The following STK4 variants were observed in gnomAD, a reference collection of about 807,000 sequenced individuals.
STK4 encodes serine/threonine-protein kinase 4.
STK4 carries 30 observed loss-of-function variants against 64.9 expected under a neutral mutation model. That is an observed-to-expected ratio of 0.46 (90% CI 0.35 to 0.63). STK4 has a LOEUF of 0.63. STK4 is among the 20% of genes least tolerant of loss of function. STK4 has a pLI of 0.01. For synonymous variants in STK4, 177 were observed against 199.0 expected (o/e 0.89, Z 0.93); for missense variants, 466 against 598.5 (o/e 0.78, Z 2.31).
chr20:45,065,040 T>A (rs543126360), intron 10 of STK4, among the ~76,000 whole-genome samples: 1 of 152,314 alleles, frequency 6.6e-6, no homozygotes, highest in East Asian at 1.9e-4. Flanking sequence ...TCAGAGGGAA[T>A]GCTTCCAACT....
chr20:45,013,344 ATAGT>A (rs1426788225), intron 9 of STK4, among the ~76,000 whole-genome samples: 2 of 152,082 alleles, frequency 1.3e-5, no homozygotes, highest in Admixed American at 6.6e-5. Flanking sequence ...TTTAATTTGA[ATAGT>A]TAGCTTTTTA....
intron 9 of STK4, among the ~76,000 whole-genome samples, chr20:45,024,176 A>G (rs2068302043): frequency 6.6e-6 from 1 of 151,960 alleles, no homozygotes; most frequent in African/African-American, 2.4e-5. Flanking sequence ...CTGGGATTAC[A>G]GGCGTGAGCC....
In STK4 at chr20:44,966,575, A is replaced by G. The variant is rs1291531683; in HGVS notation, c.7A>G (p.Thr3Ala). The change falls in exon 1 of 11, where the codon ACG becomes GCG. Residue 3 changes from threonine to alanine, a missense_variant. Thr to Ala is a moderately conservative substitution (Grantham distance 58). This residue lies in a region of STK4 where 190 missense variants were observed against 289.7 expected (regional missense o/e 0.66). Coordinates refer to ENST00000372806, the MANE Select transcript of STK4 (RefSeq NM_006282.5). ...GGCGGCTGCTGGCAGCGCCATGGAG[A>G]CGGTACAGCTGAGGAACCCGCCGCG... Reference protein sequence around the residue: METVQLRNPPRRQ... With the variant: MEAVQLRNPPRRQ... 2 of 1,266,866 alleles carry G rather than the reference A, an allele frequency of 1.6e-6. No homozygotes were observed. Among genetic ancestry groups the G allele is most frequent in the South Asian group, 3.2e-5 (1 of 31,034 alleles). The allele number at this position is 1,266,866 out of a possible 1,614,324, so 78.5% of individuals were successfully genotyped here. A position where few individuals can be genotyped will look rare whatever the true frequency, so the allele number is the denominator to read the frequency against.
rs774986244 is a variant in STK4 at position 45,024,965 on chromosome 20, G to C, written c.1148-8G>C. ...TTCTTTTCATTTTTCATTTTTCTTT[G>C]TTTTCAGGAAGGGATGAGACCATGC... On this transcript the variant is annotated splice_region_variant and splice_polypyrimidine_tract_variant and intron_variant, in intron 9 of 10. Transcript: ENST00000372806. 6.5e-7 allele frequency: 1 copy of C among 1,538,230 alleles called. No homozygotes were observed. The highest frequency in any genetic ancestry group is 2.3e-5 in the East Asian group (1 of 43,064).
chr20:45,000,529 C>A lies in STK4; in HGVS notation c.960+9C>A. On this transcript the variant is annotated intron_variant, in intron 8 of 10. Transcript: ENST00000372806. ...ACGATGAAGAAAACTCAGTGAGTGGCAGCCGTTGCTGTGGGCCTCAGACAT... is the reference window on the plus strand; with the variant it reads ...ACGATGAAGAAAACTCAGTGAGTGGAAGCCGTTGCTGTGGGCCTCAGACAT... The A allele has an allele frequency of 6.2e-7, 1 of 1,613,710 alleles. No homozygotes were observed. The highest frequency in any genetic ancestry group is 8.5e-7 in the Non-Finnish European group (1 of 1,179,764).
At chr20:44,988,863 T>A (rs1012988710) in intron 5 of STK4, among the ~76,000 whole-genome samples, 5 of 152,074 alleles carry the variant, frequency 3.3e-5, no homozygotes, top group Admixed American at 2.6e-4. Flanking sequence ...TTCTGAATAT[T>A]TCATATAAAT....
intron 10 of STK4, among the ~76,000 whole-genome samples, chr20:45,073,999 G>T (rs1168800925): frequency 6.6e-6 from 1 of 152,200 alleles, no homozygotes; most frequent in Non-Finnish European, 1.5e-5. Flanking sequence ...TCTGCAACAG[G>T]CAGAACCACA....
intron 10 of STK4, among the ~76,000 whole-genome samples, chr20:45,072,305 A>C (rs901119203): frequency 6.6e-6 from 1 of 152,202 alleles, no homozygotes; most frequent in Non-Finnish European, 1.5e-5. Context: ...AAAGTTGCAG[A>C]ATAAGTTGCA....
At chr20:44,970,872 T>C (rs2145627549) in intron 1 of STK4, among the ~76,000 whole-genome samples, 1 of 150,744 alleles carries the variant, frequency 6.6e-6, no homozygotes, top group East Asian at 1.9e-4. Context: ...ATCTGTTTTA[T>C]TTAGGAAGGT....
At chr20:45,040,370 A>G (rs1317830578) in intron 10 of STK4, among the ~76,000 whole-genome samples, 1 of 152,122 alleles carries the variant, frequency 6.6e-6, no homozygotes, top group Admixed American at 6.6e-5. Context: ...GGCATTCTCC[A>G]AAGATATAAC....
rs1206966060 is a variant in STK4 at position 45,053,909 on chromosome 20, GT to G, written c.1306-21099del. 1.4e-4 allele frequency among the ~76,000 whole-genome samples: 20 copies of G among 145,674 alleles called. 2 individuals are homozygous for G. The highest frequency in any genetic ancestry group is 4.0e-4 in the East Asian group (2 of 4,968). The stretch of plus-strand genomic sequence containing the variant: ...AGATAGTAGTTTTTTTTTGTTTTTT[GT>G]TTTTTTTTTCAGCCAAAATTTGTCC... On this transcript the variant is annotated intron_variant, in intron 10 of 10. Transcript: ENST00000372806.
Position 44,980,469 on chromosome 20 carries a change from A to G in STK4, c.246-1360A>G, listed in dbSNP as rs1006438412. Among the ~76,000 whole-genome samples the G allele has an allele frequency of 3.3e-5, 5 of 152,302 alleles. No homozygotes were observed. The South Asian group carries it at 1.0e-3, about 32-fold the overall frequency. ...GGGCACATTATTTTATTTTAATAGG[A>G]TATTTGATTTTTCTCTGAATTTCTT... On this transcript the variant is annotated intron_variant, in intron 3 of 10. Transcript: ENST00000372806.
intron 9 of STK4, among the ~76,000 whole-genome samples, chr20:45,002,221 A>G (rs1008022664): frequency 1.1e-4 from 16 of 152,360 alleles, no homozygotes; most frequent in African/African-American, 3.4e-4. Flanking sequence ...ACCGCTGTGT[A>G]ATACAACTAG....
intron 8 of STK4, 117 bp downstream of exon 8, chr20:45,000,637 G>A: frequency 1.4e-6 from 2 of 1,443,490 alleles, no homozygotes; most frequent in Non-Finnish European, 1.9e-6. Context: ...GATGCTTCCA[G>A]CATAACTATG....
At chr20:45,030,311 G>A (rs2068421731) in intron 10 of STK4, among the ~76,000 whole-genome samples, 1 of 152,034 alleles carries the variant, frequency 6.6e-6, no homozygotes. Flanking sequence ...TCACCATCTT[G>A]GCCAGGCTGA....
intron 10 of STK4, among the ~76,000 whole-genome samples, chr20:45,065,950 G>C (rs1413488481): frequency 6.6e-6 from 1 of 151,710 alleles, no homozygotes; most frequent in Non-Finnish European, 1.5e-5. Flanking sequence ...AGTTCCTCTA[G>C]TTTATATGAG....
intron 6 of STK4, among the ~76,000 whole-genome samples, chr20:44,995,506 T>G (rs2067712255): frequency 6.8e-6 from 1 of 146,768 alleles, no homozygotes; most frequent in Non-Finnish European, 1.5e-5. Flanking sequence ...CTTGGGAGAC[T>G]GAGGCATGAG....
intron 9 of STK4, among the ~76,000 whole-genome samples, chr20:45,011,708 CATATAT>C (rs749788988): frequency 1.2e-5 from 1 of 86,902 alleles, no homozygotes; most frequent in South Asian, 3.6e-4. Flanking sequence ...GTAGAACATA[CATATAT>C]ATATATATAT....
intron 3 of STK4, among the ~76,000 whole-genome samples, chr20:44,980,551 T>A (rs767588915): frequency 2.0e-5 from 3 of 152,240 alleles, no homozygotes; most frequent in Non-Finnish European, 4.4e-5. Flanking sequence ...TCCTGAACAT[T>A]TTTTCTTTAT....
Sources: allele counts gnomAD v4.1 joint callset (sites outside exome capture counted in the v4.1 genomes callset), GRCh38; gene constraint gnomAD v4.1.1; regional missense constraint gnomAD v4.1.1; transcripts MANE v1.5; gene names NCBI Gene and HGNC (gene_info 2026-07-23, HGNC 2026-07-21).